Variants in RALYL observed in about 807,000 individuals in gnomAD.
RALYL encodes RALY RNA binding protein like, also known as RNA-binding Raly-like protein.
Under a neutral mutation model 35.1 loss-of-function variants are expected in RALYL, and 29 were observed. The observed-to-expected ratio is 0.83, with a 90% CI of 0.61 to 1.13. The LOEUF (loss-of-function observed/expected upper bound fraction) is 1.13, where lower values mean the gene tolerates loss of function less well. RALYL is among the 50% of genes most tolerant of loss of function. The probability of loss-of-function intolerance (pLI) is 0.00; values close to 1 mark genes in which losing one functional copy is unlikely to be tolerated. For missense variants in RALYL, 359 were observed against 360.4 expected (o/e 1.00, Z 0.03); for synonymous variants, 120 against 127.6 (o/e 0.94, Z 0.40).
chr8:84,437,927 G>A (rs2047918101), intron 1 of RALYL, among the ~76,000 whole-genome samples: 1 of 152,130 alleles, frequency 6.6e-6, no homozygotes, highest in African/African-American at 2.4e-5. Flanking sequence ...AGAACTGCAA[G>A]CCAGTTAAAC....
intron 1 of RALYL, among the ~76,000 whole-genome samples, chr8:84,515,942 G>T (rs2058025150): frequency 6.9e-6 from 1 of 145,096 alleles, no homozygotes; most frequent in African/African-American, 2.5e-5. Context: ...GAATGCTGTT[G>T]CTATAAGATT....
At chr8:84,511,920 A>G (rs555673639) in intron 1 of RALYL, among the ~76,000 whole-genome samples, 1 of 152,234 alleles carries the variant, frequency 6.6e-6, no homozygotes, top group South Asian at 2.1e-4. Flanking sequence ...TGTACACCAC[A>G]TTTCCTTTAT....
At chr8:84,330,902 G>T (rs1013885076) in intron 1 of RALYL, among the ~76,000 whole-genome samples, 1 of 152,046 alleles carries the variant, frequency 6.6e-6, no homozygotes, top group Non-Finnish European at 1.5e-5. Flanking sequence ...CTAGAAAACT[G>T]CATTATGTTC....
intron 3 of RALYL, among the ~76,000 whole-genome samples, chr8:84,777,884 G>T (rs985826002): frequency 1.3e-5 from 2 of 152,072 alleles, no homozygotes; most frequent in Non-Finnish European, 1.5e-5. Flanking sequence ...CTCGTGATCC[G>T]CCCACTTCGG....
At chr8:84,493,241 A>G (rs2055557480) in intron 1 of RALYL, among the ~76,000 whole-genome samples, 1 of 152,168 alleles carries the variant, frequency 6.6e-6, no homozygotes, top group Non-Finnish European at 1.5e-5. Context: ...TGCAAAGGAC[A>G]TGATCTCATT....
rs181969051 is a variant in RALYL at position 84,208,991 on chromosome 8, A to G, written c.-24+24567A>G. On this transcript the variant is annotated intron_variant, in intron 1 of 8. Coordinates refer to ENST00000521268, the MANE Select transcript of RALYL (RefSeq NM_173848.7). ...TGCATGAGGCTCTCATCCCTTTGGG[A>G]GTTAGGCGAAGGCTGTACTTTAGTT... Among the ~76,000 whole-genome samples the G allele has an allele frequency of 1.3e-3, 199 of 152,038 alleles. 1 individual carries two copies. The highest frequency in any genetic ancestry group is 4.6e-3 in the African/African-American group (190 of 41,472).
At chr8:84,428,104 TCTCACACACACACACACACACA>T (rs2046725810) in intron 1 of RALYL, among the ~76,000 whole-genome samples, 1 of 131,758 alleles carries the variant, frequency 7.6e-6, no homozygotes, top group African/African-American at 3.0e-5. Context: ...TCTCTCTCTC[TCTCACACACACACACACACACA>T]CACACACACA....
At chr8:84,427,691 T>A (rs1410127323) in intron 1 of RALYL, among the ~76,000 whole-genome samples, 1 of 152,204 alleles carries the variant, frequency 6.6e-6, no homozygotes, top group Non-Finnish European at 1.5e-5. Context: ...TTTCTTTTGC[T>A]CAGAATATCT....
chr8:84,429,074 C>T (rs2046861378), intron 1 of RALYL, among the ~76,000 whole-genome samples: 1 of 151,982 alleles, frequency 6.6e-6, no homozygotes, highest in Non-Finnish European at 1.5e-5. Context: ...CAAAGGGAAA[C>T]AAAACCAAAA....
intron 1 of RALYL, among the ~76,000 whole-genome samples, chr8:84,252,624 A>G (rs982298923): frequency 3.3e-5 from 5 of 152,136 alleles, no homozygotes; most frequent in Admixed American, 1.3e-4. Flanking sequence ...TCCTGTAGAC[A>G]TTGCTTGCGT....
intron 1 of RALYL, among the ~76,000 whole-genome samples, chr8:84,443,725 ATCT>A (rs1484479433): frequency 6.6e-6 from 1 of 152,042 alleles, no homozygotes; most frequent in Non-Finnish European, 1.5e-5. Context: ...GGGGTACAGT[ATCT>A]TCTTCTTTGA....
At chr8:84,524,139 A>T (rs2058697639) in intron 1 of RALYL, among the ~76,000 whole-genome samples, 1 of 152,166 alleles carries the variant, frequency 6.6e-6, no homozygotes, top group South Asian at 2.1e-4. Context: ...CCAACAGTGT[A>T]AAAGTGTTCC....
intron 2 of RALYL, among the ~76,000 whole-genome samples, chr8:84,603,714 T>A (rs984447105): frequency 2.0e-5 from 3 of 152,092 alleles, no homozygotes. Flanking sequence ...AAAACAGACC[T>A]AAATAATAAG....
chr8:84,481,511 T>C (rs1049190424), intron 1 of RALYL, among the ~76,000 whole-genome samples: 4 of 152,172 alleles, frequency 2.6e-5, no homozygotes, highest in Admixed American at 2.0e-4. Context: ...GACTTTATTA[T>C]GAATGTTCAT....
At chr8:84,798,952 A>G (rs1400621298) in intron 3 of RALYL, among the ~76,000 whole-genome samples, 4 of 152,232 alleles carry the variant, frequency 2.6e-5, no homozygotes, top group African/African-American at 9.7e-5. Flanking sequence ...AAGTCATAGA[A>G]GACAAAGGCT....
At chr8:84,890,301 T>C (rs925986098) in intron 8 of RALYL, among the ~76,000 whole-genome samples, 1 of 151,988 alleles carries the variant, frequency 6.6e-6, no homozygotes, top group Non-Finnish European at 1.5e-5. Flanking sequence ...TGGCAGGAGT[T>C]TGAGGGAGTT....
At chr8:84,755,299 A>C (rs566052504) in intron 2 of RALYL, among the ~76,000 whole-genome samples, 19 of 152,330 alleles carry the variant, frequency 1.2e-4, no homozygotes, top group African/African-American at 2.9e-4. Flanking sequence ...CATGGTAGGA[A>C]AATTGTTGTT....
chr8:84,502,613 G>T (rs1470335491), intron 1 of RALYL, among the ~76,000 whole-genome samples: 3 of 151,978 alleles, frequency 2.0e-5, no homozygotes, highest in Non-Finnish European at 2.9e-5. Flanking sequence ...AATATGACAA[G>T]AGTTAATTAT....
intron 2 of RALYL, among the ~76,000 whole-genome samples, chr8:84,665,281 T>C (rs1831770662): frequency 6.7e-6 from 1 of 150,346 alleles, no homozygotes; most frequent in Admixed American, 6.6e-5. Flanking sequence ...AAGTTTTCTT[T>C]TTTTGTTGTA....
Sources: gnomAD v4.1 joint callset for allele counts (sites outside exome capture counted in the v4.1 genomes callset) on GRCh38, gnomAD v4.1.1 for gene constraint, MANE v1.5 for transcripts, NCBI Gene and HGNC (gene_info 2026-07-23, HGNC 2026-07-21) for gene names.